UNC79: variants seen among roughly 807,000 people sequenced by gnomAD.
The protein encoded by UNC79 is protein unc-79 homolog.
UNC79 carries 37 observed loss-of-function variants against 283.1 expected under a neutral mutation model. The observed-to-expected ratio is 0.13, with a 90% CI of 0.10 to 0.17. The LOEUF is 0.17. Ranked by LOEUF, UNC79 falls within the 10% of genes least tolerant of loss-of-function variation. UNC79 has a pLI of 1.00. For synonymous variants in UNC79, 1,107 were observed against 1,200.2 expected (o/e 0.92, Z 1.61); for missense variants, 2,272 against 3,211.1 (o/e 0.71, Z 7.07).
intron 26 of UNC79, among the ~76,000 whole-genome samples, chr14:93,608,123 T>C (rs2066015971): frequency 6.6e-6 from 1 of 152,150 alleles, no homozygotes; most frequent in African/African-American, 2.4e-5. Flanking sequence ...GCCTCCCGAG[T>C]AGCTTGGATC....
intron 41 of UNC79, among the ~76,000 whole-genome samples, chr14:93,678,020 C>T (rs900576419): frequency 2.0e-5 from 3 of 152,128 alleles, no homozygotes; most frequent in African/African-American, 7.2e-5. Flanking sequence ...CAGGTGTTCT[C>T]TGTAGAATAG....
At chr14:93,704,580 G>A in intron 47 of UNC79, 45 bp from the exon 51 acceptor site, 1 of 1,606,130 alleles carries the variant, frequency 6.2e-7, no homozygotes, top group African/African-American at 1.3e-5. Context: ...CTTTGTGGGA[G>A]AATAGAGGAC....
Position 93,597,555 on chromosome 14 carries a change from G to C in UNC79, c.3372+15G>C. ...CAGCATTGCAGGTGACATGTGATTTGTGTTATCTGCTCCGAAGGTGGTTTG... is the reference window on the plus strand; with the variant it reads ...CAGCATTGCAGGTGACATGTGATTTCTGTTATCTGCTCCGAAGGTGGTTTG... On this transcript the variant is annotated intron_variant, in intron 24 of 48. Coordinates refer to ENST00000555664, the Ensembl canonical transcript of UNC79. 1 of 1,606,702 alleles carries C rather than the reference G, an allele frequency of 6.2e-7. No homozygotes were observed. Among genetic ancestry groups the C allele is most frequent in the Non-Finnish European group, 8.5e-7 (1 of 1,177,316 alleles).
intron 1 of UNC79, among the ~76,000 whole-genome samples, chr14:93,353,998 G>A (rs1462135699): frequency 6.6e-6 from 1 of 152,136 alleles, no homozygotes; most frequent in Non-Finnish European, 1.5e-5. Context: ...AACTTAAACT[G>A]GGGGAGGAGG....
At position 93,597,355 on chromosome 14, in the gene UNC79, G is replaced by A. The variant is rs1596005418; in HGVS notation, c.3191-4G>A. On this transcript the variant is annotated splice_region_variant and splice_polypyrimidine_tract_variant and intron_variant, in intron 23 of 48. Transcript: ENST00000555664. ...CGTATTTTGCCTTCTCTTTTACATT[G>A]CAGTGGAAAAAGTTGCTGTAATTTG... 9.3e-6 allele frequency: 15 copies of A among 1,613,718 alleles called. No individual in the cohort carries two copies. The highest frequency in any genetic ancestry group is 1.3e-5 in the Non-Finnish European group (15 of 1,179,810).
intron 1 of UNC79, among the ~76,000 whole-genome samples, chr14:93,366,527 A>T (rs1291417703): frequency 1.3e-5 from 2 of 151,246 alleles, no homozygotes; most frequent in Admixed American, 1.3e-4. Context: ...ATGTGTTTCC[A>T]TTAGTGTAAG....
chr14:93,580,478 C>T, intron 19 of UNC79, 102 bp downstream of exon 19: 1 of 1,160,496 alleles, frequency 8.6e-7, no homozygotes, highest in Non-Finnish European at 1.2e-6. Flanking sequence ...ATACTCCATG[C>T]TGGGTTATAC....
intron 32 of UNC79, among the ~76,000 whole-genome samples, chr14:93,639,150 A>G (rs1313686812): frequency 6.6e-6 from 1 of 152,216 alleles, no homozygotes; most frequent in East Asian, 1.9e-4. Flanking sequence ...ATATAATAGT[A>G]ATTGGCAATA....
At chr14:93,528,719 A>G (rs2060659741) in intron 9 of UNC79, 73 bp downstream of exon 9, 2 of 1,393,866 alleles carry the variant, frequency 1.4e-6, no homozygotes, top group Non-Finnish European at 2.0e-6. Flanking sequence ...TTTGGACTTA[A>G]ATTAGTTACA....
intron 27 of UNC79, among the ~76,000 whole-genome samples, chr14:93,616,118 A>T (rs12432051): frequency 0.62 from 94,606 of 151,876 alleles, 30,538 homozygotes; most frequent in Non-Finnish European, 0.71. Flanking sequence ...AGTTTATATC[A>T]TGTAAATAAA....
chr14:93,556,728 C>G (rs1233324544), intron 14 of UNC79, among the ~76,000 whole-genome samples: 1 of 151,418 alleles, frequency 6.6e-6, no homozygotes, highest in African/African-American at 2.4e-5. Context: ...AAAACAAGAT[C>G]CAAGAAGAGA....
At chr14:93,694,865 C>T (rs2074976932) in intron 47 of UNC79, among the ~76,000 whole-genome samples, 1 of 152,182 alleles carries the variant, frequency 6.6e-6, no homozygotes, top group Non-Finnish European at 1.5e-5. Flanking sequence ...AAAACATATC[C>T]AGAAAACCAA....
exon 30 of UNC79, chr14:93,622,797 T>A: frequency 1.2e-6 from 2 of 1,614,130 alleles, no homozygotes; most frequent in Non-Finnish European, 1.7e-6. Flanking sequence ...TACCTCGACA[T>A]CTCCTTCAAC....
intron 22 of UNC79, among the ~76,000 whole-genome samples, chr14:93,593,192 T>C (rs1566730333): frequency 6.6e-6 from 1 of 152,188 alleles, no homozygotes. Context: ...TGTTCCCCCT[T>C]ATGATAGAGA....
rs78422046 is a variant in UNC79, at chr14:93,549,079, C to G, written c.1755+6383C>G. Reference sequence around the variant, plus strand: ...TTTAGCATTTGTAAAAAATAAGAAGCTAAAAGCAGATAAACTTATGATCAG... The same window carrying G: ...TTTAGCATTTGTAAAAAATAAGAAGGTAAAAGCAGATAAACTTATGATCAG... On this transcript the variant is annotated intron_variant, in intron 14 of 48. Transcript: ENST00000555664. Among the ~76,000 whole-genome samples the G allele has an allele frequency of 4.7e-3, 717 of 152,252 alleles. 3 individuals are homozygous for G. The highest frequency in any genetic ancestry group is 0.016 in the African/African-American group (670 of 41,558).
chr14:93,378,049 A>C (rs1002882323), intron 1 of UNC79, among the ~76,000 whole-genome samples: 1 of 152,232 alleles, frequency 6.6e-6, no homozygotes, highest in African/African-American at 2.4e-5. Context: ...AAATAAGCCT[A>C]TTGGTAAATG....
intron 1 of UNC79, among the ~76,000 whole-genome samples, chr14:93,356,289 C>A (rs2054085151): frequency 6.6e-6 from 1 of 152,210 alleles, no homozygotes; most frequent in Admixed American, 6.5e-5. Context: ...TCCCAAAGTG[C>A]TGGGATTACA....
intron 29 of UNC79, among the ~76,000 whole-genome samples, chr14:93,618,675 G>A (rs951247144): frequency 4.6e-5 from 7 of 152,216 alleles, no homozygotes; most frequent in African/African-American, 1.7e-4. Flanking sequence ...TATAAAATAA[G>A]TCTTGGTTGG....
At chr14:93,373,237 A>C (rs897051273) in intron 1 of UNC79, among the ~76,000 whole-genome samples, 4 of 152,238 alleles carry the variant, frequency 2.6e-5, no homozygotes, top group Admixed American at 6.5e-5. Flanking sequence ...CTTCCACCTT[A>C]GAAAACTAGA....
Sources: gnomAD v4.1 joint callset for allele counts (sites outside exome capture counted in the v4.1 genomes callset) on GRCh38, gnomAD v4.1.1 for gene constraint, MANE v1.5 for transcripts, NCBI Gene and HGNC (gene_info 2026-07-23, HGNC 2026-07-21) for gene names.